The following PDLIM3 variants were observed in gnomAD, a reference collection of about 807,000 sequenced individuals.
PDLIM3 encodes the protein PDZ and LIM domain 3.
In PDLIM3, 36 loss-of-function variants were observed where a neutral mutation model predicts 37.3. That is an observed-to-expected ratio of 0.97 (90% CI 0.74 to 1.28). The LOEUF is 1.28. Among genes scored for constraint, PDLIM3 ranks in the 50% most tolerant of loss-of-function variants. The pLI is 0.00. For synonymous variants in PDLIM3, 174 were observed against 182.4 expected, an observed-to-expected ratio of 0.95 and a Z score of 0.37; for missense variants, 454 against 485.0, an observed-to-expected ratio of 0.94 and a Z score of 0.60.
intron 1 of PDLIM3, among the ~76,000 whole-genome samples, chr4:185,528,091 CA>C (rs71593633): frequency 3.9e-5 from 6 of 151,916 alleles, no homozygotes; most frequent in Middle Eastern, 6.8e-3. Flanking sequence ...AACAAACAAA[CA>C]AAACACACAA....
chr4:185,520,305 T>C (rs1357860964), intron 3 of PDLIM3, among the ~76,000 whole-genome samples: 4 of 152,210 alleles, frequency 2.6e-5, no homozygotes, highest in Non-Finnish European at 5.9e-5. Flanking sequence ...GAATTGTTCT[T>C]ATCTTGGAGC....
rs150125560 is a variant in PDLIM3 at position 185,535,395 on chromosome 4, C to T, written c.40G>A (p.Gly14Ser). The stretch of plus-strand genomic sequence containing the variant: ...TCTATGCCCCCTGAGAGCCTGAAGC[C>T]CCAGGGCGCAGGGCCCGGGAGGATC... Reference protein sequence around the residue: ...TVILPGPAPWGFRLSGGIDFN... With the variant: ...TVILPGPAPWSFRLSGGIDFN... Residue 14 changes from glycine (G) to serine (S), a missense_variant, in exon 1 of 8, where the codon GGC (glycine) becomes AGC (serine). By Grantham distance (56) the Gly-to-Ser change is moderately conservative. Transcript: ENST00000284767. The T allele has an allele frequency of 3.7e-6, 6 of 1,607,586 alleles. No homozygotes were observed. In the African/African-American group the frequency reaches 8.1e-5, roughly 22 times the overall value.
Position 185,505,420 on chromosome 4 carries a change from G to A in PDLIM3, c.794-834C>T, listed in dbSNP as rs144641561. Among the ~76,000 whole-genome samples the A allele has an allele frequency of 3.0e-3, 463 of 152,220 alleles. 1 individual carries two copies. Among genetic ancestry groups the A allele is most frequent in the African/African-American group, 0.011 (446 of 41,546 alleles). Reference sequence around the variant, plus strand: ...GGGTGGACCACGAGGTCAGGAGTTCGAGACCAGCCTGGCCAAGAGGTAAAA... The same window carrying A: ...GGGTGGACCACGAGGTCAGGAGTTCAAGACCAGCCTGGCCAAGAGGTAAAA... On this transcript the variant is annotated intron_variant, in intron 6 of 7. Coordinates refer to ENST00000284767, the MANE Select transcript of PDLIM3 (RefSeq NM_014476.6).
At position 185,506,627 on chromosome 4, in the gene PDLIM3, CG is replaced by C; in HGVS notation, c.687del (p.Glu230SerfsTer45). 1 of 1,607,310 alleles carries C rather than the reference CG, an allele frequency of 6.2e-7. No individual in the cohort carries two copies. On this transcript the variant is annotated frameshift_variant, in exon 6 of 8. Coordinates refer to ENST00000284767, the MANE Select transcript of PDLIM3 (RefSeq NM_014476.6). LOFTEE classifies it high-confidence loss of function. ...TGGAGCATCCGGTACACGTCCGACT[CG>C]GGGGGCACCGAGGCTGTGGGCTCGC... ...LMSEPTASVPPESDVYRMLHD... is the reference protein window; with the variant it reads ...LMSEPTASVPXESDVYRMLHD...
At chr4:185,532,659 A>T (rs1016628174) in intron 1 of PDLIM3, among the ~76,000 whole-genome samples, 11 of 152,344 alleles carry the variant, frequency 7.2e-5, no homozygotes, top group South Asian at 4.1e-4. Context: ...TAGCAACTCA[A>T]ATTGGGATAG....
chr4:185,535,507 TG>T, upstream of PDLIM3: 1 of 1,341,490 alleles, frequency 7.5e-7, no homozygotes, highest in Non-Finnish European at 1.0e-6. Flanking sequence ...GGCGGCGTCC[TG>T]GCCCCGACCC....
intron 1 of PDLIM3, among the ~76,000 whole-genome samples, chr4:185,528,227 G>C (rs1042939927): frequency 2.0e-5 from 3 of 152,166 alleles, no homozygotes; most frequent in African/African-American, 7.2e-5. Flanking sequence ...TTTAGCTCTG[G>C]TTAGGATGAG....
chr4:185,514,514 G>T lies in PDLIM3; in HGVS notation c.331-177C>A. The T allele has an allele frequency of 1.4e-6, 2 of 1,380,264 alleles. No individual in the cohort carries two copies. Among genetic ancestry groups the T allele is most frequent in the Non-Finnish European group, 2.0e-6 (2 of 998,368 alleles). 85.5% of individuals were successfully genotyped at this position (1,380,264 alleles called of 1,614,324 possible). A position where few individuals can be genotyped will look rare whatever the true frequency, so the allele number is the denominator to read the frequency against. On this transcript the variant is annotated intron_variant, in intron 3 of 7. Transcript: ENST00000284767. The surrounding 1 kb of genome is among the most constrained non-coding windows in gnomAD (Gnocchi z 4.0). ...CTTTCCAACCATCTATCCGCTAAAC[G>T]GTCAGGCACTGGCGGATTGGACCCC... is the stretch of plus-strand genomic sequence containing the variant.
At chr4:185,530,829 T>A (rs2095742825) in intron 1 of PDLIM3, among the ~76,000 whole-genome samples, 1 of 152,168 alleles carries the variant, frequency 6.6e-6, no homozygotes. Flanking sequence ...TTCGAAGTCT[T>A]AGTTATCAGA....
Position 185,514,381 on chromosome 4 carries a change from CACTGTTGCAGATAAGATTAAACGA to C in PDLIM3, c.331-68_331-45del. On this transcript the variant is annotated intron_variant, in intron 3 of 7. Transcript: ENST00000284767. The surrounding 1 kb of genome is among the most constrained non-coding windows in gnomAD (Gnocchi z 4.0). ...AAAAAGGCCCTCAGTGGAAGGCGGACACTGTTGCAGATAAGATTAAACGAACGATAGTTGTACAGGGAGGATCAT... is the reference window on the plus strand; with the variant it reads ...AAAAAGGCCCTCAGTGGAAGGCGGACACGATAGTTGTACAGGGAGGATCAT... The C allele has an allele frequency of 1.9e-6, 3 of 1,614,160 alleles. No individual in the cohort carries two copies. Among genetic ancestry groups the C allele is most frequent in the Non-Finnish European group, 2.5e-6 (3 of 1,180,032 alleles).
chr4:185,502,577 AT>A, intron 7 of PDLIM3, 94 bp from the exon 8 acceptor site: 1 of 1,175,360 alleles, frequency 8.5e-7, no homozygotes. Context: ...GATGTTCTCT[AT>A]TTCACAGTCA....
chr4:185,505,567 G>T (rs2153331912), intron 6 of PDLIM3, among the ~76,000 whole-genome samples: 1 of 151,820 alleles, frequency 6.6e-6, no homozygotes, highest in African/African-American at 2.4e-5. Flanking sequence ...GTTGCAGTGA[G>T]CCAAGATTGT....
At chr4:185,513,866 T>C in intron 4 of PDLIM3, 1 of 1,149,256 alleles carries the variant, frequency 8.7e-7, no homozygotes, top group African/African-American at 1.6e-5. Context: ...CTCCTTATCA[T>C]TCTGGCTTGT....
Position 185,514,125 on chromosome 4 carries a change from G to A in PDLIM3, c.398+145C>T. 1.9e-6 allele frequency: 3 copies of A among 1,544,232 alleles called. No individual in the cohort carries two copies. The highest frequency in any genetic ancestry group is 2.6e-6 in the Non-Finnish European group (3 of 1,145,202). On this transcript the variant is annotated intron_variant, in intron 4 of 7. Transcript: ENST00000284767. This position sits in a 1 kb window ranked among gnomAD's most constrained non-coding sequence, Gnocchi z 4.0. ...TTATTTGGCTTCTGTTCTCTGCCAA[G>A]TGAGTTTGTTTCTTTTTGCTTTTGA...
At chr4:185,528,289 T>C (rs1298950246) in intron 1 of PDLIM3, among the ~76,000 whole-genome samples, 1 of 152,226 alleles carries the variant, frequency 6.6e-6, no homozygotes, top group Non-Finnish European at 1.5e-5. Flanking sequence ...ACACTAATTT[T>C]AAACACACAT....
At chr4:185,519,622 A>T (rs1184720006) in intron 3 of PDLIM3, among the ~76,000 whole-genome samples, 1 of 152,186 alleles carries the variant, frequency 6.6e-6, no homozygotes, top group Non-Finnish European at 1.5e-5. Context: ...ATTTTATATC[A>T]ACTATTCCTA....
intron 1 of PDLIM3, among the ~76,000 whole-genome samples, chr4:185,533,170 G>A (rs548759798): frequency 1.3e-5 from 2 of 152,172 alleles, no homozygotes; most frequent in South Asian, 4.1e-4. Flanking sequence ...GCACATAAAA[G>A]GTTCCCATCA....
rs146771248 is a variant in PDLIM3 at position 185,529,650 on chromosome 4, T to A, written c.94-4479A>T. 5.1e-4 allele frequency among the ~76,000 whole-genome samples: 78 copies of A among 152,342 alleles called. 1 individual carries two copies. Among genetic ancestry groups the A allele is most frequent in the African/African-American group, 1.8e-3 (73 of 41,580 alleles). ...TTATATTAGAATCTCTGCATGCACC[T>A]GGGCATGGCTGTGTTCAGAAGTCAC... On this transcript the variant is annotated intron_variant, in intron 1 of 7. Coordinates refer to ENST00000284767, the MANE Select transcript of PDLIM3 (RefSeq NM_014476.6).
At chr4:185,506,165 A>G (rs2095696669) in intron 6 of PDLIM3, among the ~76,000 whole-genome samples, 1 of 152,214 alleles carries the variant, frequency 6.6e-6, no homozygotes, top group Non-Finnish European at 1.5e-5. Context: ...AGCATTGTTT[A>G]GTTTTTGATG....
Sources: gnomAD v4.1 joint callset for allele counts (sites outside exome capture counted in the v4.1 genomes callset) on GRCh38, gnomAD v4.1.1 for gene constraint, Gnocchi (gnomAD v3.1) non-coding constraint, MANE v1.5 for transcripts, NCBI Gene and HGNC (gene_info 2026-07-23, HGNC 2026-07-21) for gene names.